The following RTL4 variants were observed in gnomAD, a reference collection of about 807,000 sequenced individuals.
RTL4 encodes retrotransposon Gag like 4, also known as retrotransposon Gag-like protein 4.
RTL4 carries 4 observed loss-of-function variants against 5.3 expected under a neutral mutation model. The ratio of observed to expected loss-of-function variants is 0.75; its 90% CI spans 0.37 to 1.72. The LOEUF (loss-of-function observed/expected upper bound fraction) is 1.72, where lower values mean the gene tolerates loss of function less well. RTL4 is among the 40% of genes most tolerant of loss of function. The probability of loss-of-function intolerance (pLI) is 0.04; values close to 1 mark genes in which losing one functional copy is unlikely to be tolerated. For synonymous variants in RTL4, 98 were observed against 87.3 expected (o/e 1.12, Z -0.68); for missense variants, 260 against 227.1 (o/e 1.14, Z -0.93).
chrX:112,207,578 A>G, the RTL4 span, among the ~76,000 whole-genome samples: 2 of 109,825 alleles, frequency 1.8e-5, no homozygotes, highest in Non-Finnish European at 3.8e-5. Context: ...GTCCATGCTC[A>G]TGGTCAACTG....
the RTL4 span, among the ~76,000 whole-genome samples, chrX:112,222,226 A>T: frequency 1.8e-5 from 2 of 111,283 alleles, no homozygotes; most frequent in Non-Finnish European, 3.8e-5. Flanking sequence ...TAGAACTAAA[A>T]TTTTTACCAC....
the RTL4 span, among the ~76,000 whole-genome samples, chrX:112,196,527 G>A: frequency 9.0e-6 from 1 of 111,637 alleles, no homozygotes; most frequent in East Asian, 2.8e-4. Flanking sequence ...GGATCATATT[G>A]TATTTGCATA....
chrX:112,406,811 C>T, the RTL4 span, among the ~76,000 whole-genome samples: 2,765 of 110,372 alleles, frequency 0.025, 26 homozygotes, highest in Middle Eastern at 0.057. Flanking sequence ...TGGATAGCAG[C>T]TCAGCCACAG....
chrX:112,134,596 C>A, the RTL4 span, among the ~76,000 whole-genome samples: 1 of 111,523 alleles, frequency 9.0e-6, no homozygotes, highest in Non-Finnish European at 1.9e-5. Context: ...ACTGTATAAT[C>A]TAAACTGTAC....
the RTL4 span, among the ~76,000 whole-genome samples, chrX:112,295,793 TAA>T: frequency 1.8e-5 from 2 of 112,552 alleles, no homozygotes; most frequent in African/African-American, 3.2e-5. Flanking sequence ...TACAGCTCAT[TAA>T]GTTTGCATTT....
the RTL4 span, among the ~76,000 whole-genome samples, chrX:112,314,310 G>C: frequency 9.0e-6 from 1 of 110,907 alleles, no homozygotes; most frequent in African/African-American, 3.3e-5. Flanking sequence ...TTTTCTGGGA[G>C]TTAAGTACAA....
At chrX:112,330,500 T>C in the RTL4 span, among the ~76,000 whole-genome samples, 1 of 110,328 alleles carries the variant, frequency 9.1e-6, no homozygotes, top group South Asian at 3.8e-4. Context: ...CTCAAGGAAA[T>C]AAAAGAGGAT....
the RTL4 span, among the ~76,000 whole-genome samples, chrX:112,415,472 AT>A: frequency 1.8e-5 from 2 of 109,324 alleles, no homozygotes; most frequent in Non-Finnish European, 3.8e-5. Context: ...GATATATGAC[AT>A]TTTTTTTACA....
chrX:112,282,701 C>A, the RTL4 span, among the ~76,000 whole-genome samples: 3 of 111,414 alleles, frequency 2.7e-5, no homozygotes, highest in African/African-American at 6.5e-5. Flanking sequence ...GTGCACAGGT[C>A]TTTTATCTCC....
the RTL4 span, among the ~76,000 whole-genome samples, chrX:112,422,332 A>G: frequency 2.7e-5 from 3 of 111,689 alleles, no homozygotes. Flanking sequence ...AGAGGTATGC[A>G]GCACTGCAGA....
the RTL4 span, among the ~76,000 whole-genome samples, chrX:112,175,595 A>C: frequency 1.1e-4 from 12 of 110,076 alleles, no homozygotes; most frequent in East Asian, 3.2e-3. Flanking sequence ...ACTTTAAAGT[A>C]GTTTTTTCCA....
chrX:112,198,589 GTTCTGTGA>G, the RTL4 span, among the ~76,000 whole-genome samples: 1 of 111,325 alleles, frequency 9.0e-6, no homozygotes, highest in African/African-American at 3.3e-5. Context: ...TTATTCAATA[GTTCTGTGA>G]ATATTTATAC....
the RTL4 span, among the ~76,000 whole-genome samples, chrX:112,392,500 A>C: frequency 1.8e-5 from 2 of 111,406 alleles, no homozygotes; most frequent in South Asian, 7.6e-4. Context: ...TTCAGAACAC[A>C]CTTGTAGGAG....
At chrX:112,313,068 A>G in the RTL4 span, among the ~76,000 whole-genome samples, 3 of 111,074 alleles carry the variant, frequency 2.7e-5, no homozygotes, top group Non-Finnish European at 5.7e-5. Flanking sequence ...GCAAACACTT[A>G]TTAATTAATG....
the RTL4 span, among the ~76,000 whole-genome samples, chrX:112,181,789 T>C: frequency 8.9e-6 from 1 of 111,990 alleles, no homozygotes; most frequent in African/African-American, 3.2e-5. Context: ...CTGCTGGCTC[T>C]GAAGAGAGCA....
At chrX:112,176,610 G>A in the RTL4 span, among the ~76,000 whole-genome samples, 2 of 111,363 alleles carry the variant, frequency 1.8e-5, no homozygotes, top group Admixed American at 9.6e-5. Flanking sequence ...TGATACATGT[G>A]TACAGTATGT....
chrX:112,230,920 A>C, the RTL4 span, among the ~76,000 whole-genome samples: 1 of 111,997 alleles, frequency 8.9e-6, no homozygotes, highest in African/African-American at 3.2e-5. Flanking sequence ...GAAGGATACG[A>C]ACAGACACTT....
At chrX:112,156,915 C>T in the RTL4 span, among the ~76,000 whole-genome samples, 1 of 111,149 alleles carries the variant, frequency 9.0e-6, no homozygotes, top group Non-Finnish European at 1.9e-5. Context: ...GAAGCAACTA[C>T]AAATTTACTA....
At chrX:112,434,941 G>A in the RTL4 span, among the ~76,000 whole-genome samples, 16 of 110,942 alleles carry the variant, frequency 1.4e-4, no homozygotes, top group African/African-American at 3.9e-4. Context: ...GGAAGCTTAC[G>A]TCAGGTGGGA....
Sources: allele counts gnomAD v4.1 joint callset (sites outside exome capture counted in the v4.1 genomes callset), GRCh38; gene constraint gnomAD v4.1.1; transcripts MANE v1.5; gene names NCBI Gene and HGNC (gene_info 2026-07-23, HGNC 2026-07-21).